Variants in MLH3 observed in about 807,000 individuals in gnomAD.
The protein encoded by MLH3 is mutL homolog 3.
In MLH3, 82 loss-of-function variants were observed where a neutral mutation model predicts 122.2. That is an observed-to-expected ratio of 0.67 (90% CI 0.56 to 0.81). MLH3 has a LOEUF of 0.81. Among genes scored for constraint, MLH3 ranks in the 30% least tolerant of loss-of-function variants. The pLI, the probability that MLH3 is intolerant of heterozygous loss-of-function variation, is 0.00. For missense variants in MLH3, 1,539 were observed against 1,714.5 expected, an observed-to-expected ratio of 0.90 and a Z score of 1.81; for synonymous variants, 524 against 599.5, an observed-to-expected ratio of 0.87 and a Z score of 1.84.
rs1473272434 is a variant in MLH3, at chr14:75,014,108, T to G, written c.*2974A>C. On this transcript the variant is annotated 3_prime_UTR_variant, in exon 13 of 13. Coordinates refer to ENST00000355774, the MANE Select transcript of MLH3 (RefSeq NM_001040108.2). ...CCGAAGCTTCAGCTGAGCTGGCTTG[T>G]CAGGGCTCGCTAGGAACTGCTGAGC... The G allele has an allele frequency of 1.1e-5, 2 of 177,196 alleles. No homozygotes were observed. 11.0% of individuals were successfully genotyped at this position (177,196 alleles called of 1,614,324 possible).
In MLH3 at chr14:75,014,509, G is replaced by C. The variant is rs1323011736; in HGVS notation, c.*2573C>G. On this transcript the variant is annotated 3_prime_UTR_variant, in exon 13 of 13. Coordinates refer to ENST00000355774, the MANE Select transcript of MLH3 (RefSeq NM_001040108.2). The stretch of plus-strand genomic sequence containing the variant: ...TTCTTTCAATAATAAAGGGCTAGCT[G>C]TAACTAGCTGTGACTCTGTGATACC... 1 of 194,500 alleles carries C rather than the reference G, an allele frequency of 5.1e-6. No homozygotes were observed. The highest frequency in any genetic ancestry group is 1.1e-5 in the Non-Finnish European group (1 of 93,312). The allele number at this position is 194,500 out of a possible 1,614,324, so 12.0% of individuals were successfully genotyped here.
chr14:75,014,544 A>G lies in MLH3; in HGVS notation c.*2538T>C, dbSNP rs1276518775. On this transcript the variant is annotated 3_prime_UTR_variant, in exon 13 of 13. Transcript: ENST00000355774. Reference sequence around the variant, plus strand: ...GTGACTCTGTGATACCTAACGCCAGAAGAAGCTACTATATTCTATCATTAG... The same window carrying G: ...GTGACTCTGTGATACCTAACGCCAGGAGAAGCTACTATATTCTATCATTAG... 1 of 200,378 alleles carries G rather than the reference A, an allele frequency of 5.0e-6. No individual in the cohort carries two copies. Among genetic ancestry groups the G allele is most frequent in the Non-Finnish European group, 1.0e-5 (1 of 97,134 alleles). 12.4% of individuals were successfully genotyped at this position (200,378 alleles called of 1,614,324 possible).
intron 11 of MLH3, among the ~76,000 whole-genome samples, chr14:75,021,372 C>G (rs889577734): frequency 1.3e-5 from 2 of 152,200 alleles, no homozygotes; most frequent in Non-Finnish European, 2.9e-5. Flanking sequence ...GGACAACTTA[C>G]AGAATGGGAG....
At position 75,048,999 on chromosome 14, in the gene MLH3, C is replaced by T. The variant is rs747661592; in HGVS notation, c.657G>A (p.Lys219=). The change falls in exon 2 of 13, where the codon AAG becomes AAA. Residue 219 remains lysine, a synonymous_variant. Coordinates refer to ENST00000355774, the MANE Select transcript of MLH3 (RefSeq NM_001040108.2). ...SRFCQIYGLG[K]SQKLREISFK... is the part of the protein sequence containing the mutation. ...AACTTATTTCTCTTAGCTTTTGGGA[C>T]TTTCCCAATCCATAAATTTGACAAA... is the stretch of plus-strand genomic sequence containing the variant. 4 of 1,614,090 alleles carry T rather than the reference C, an allele frequency of 2.5e-6. No homozygotes were observed. Among genetic ancestry groups the T allele is most frequent in the Non-Finnish European group, 3.4e-6 (4 of 1,179,990 alleles).
intron 12 of MLH3, among the ~76,000 whole-genome samples, chr14:75,018,227 A>G (rs1311035077): frequency 6.6e-6 from 1 of 152,136 alleles, no homozygotes; most frequent in Non-Finnish European, 1.5e-5. Context: ...CCTTCACTGA[A>G]GATTATAACA....
chr14:75,048,901 A>C lies in MLH3; in HGVS notation c.755T>G (p.Leu252Trp). 1 of 1,613,746 alleles carries C rather than the reference A, an allele frequency of 6.2e-7. No individual in the cohort carries two copies. Among genetic ancestry groups the C allele is most frequent in the Middle Eastern group, 1.6e-4 (1 of 6,062 alleles). Reference sequence around the variant, plus strand: ...TAAAACTAGTCTTTTGTTCACAAACAAAAACTGCATATTCTTGTTGTAATG... The same window carrying C: ...TAAAACTAGTCTTTTGTTCACAAACCAAAACTGCATATTCTTGTTGTAATG... Reference protein sequence around the residue: ...EAHYNKNMQFLFVNKRLVLRT... With the variant: ...EAHYNKNMQFWFVNKRLVLRT... Residue 252 changes from leucine to tryptophan, a missense_variant, in exon 2 of 13, where the codon TTG (leucine) becomes TGG (tryptophan). By Grantham distance (61) the Leu-to-Trp change is moderately conservative. Coordinates refer to ENST00000355774, the MANE Select transcript of MLH3 (RefSeq NM_001040108.2).
In MLH3 at chr14:75,035,693, T is replaced by C. The variant is rs117388527; in HGVS notation, c.3644-2203A>G. On this transcript the variant is annotated intron_variant, in intron 6 of 12. Transcript: ENST00000355774. ...GGTAAAGGGAATATTTTGAAATACA[T>C]AGAGAATAAATGCTCTAAAACTTTA... Among the ~76,000 whole-genome samples, 509 of 152,296 alleles carry C rather than the reference T, an allele frequency of 3.3e-3. 1 individual carries two copies. Among genetic ancestry groups the C allele is most frequent in the Middle Eastern group, 6.8e-3 (2 of 294 alleles).
intron 8 of MLH3, 140 bp from the exon 9 acceptor site, chr14:75,030,842 G>A (rs1184150896): frequency 1.4e-5 from 10 of 702,250 alleles, no homozygotes; most frequent in South Asian, 5.1e-5. Context: ...TCACACTTAT[G>A]TGTGGGTGTT....
In MLH3 at chr14:75,015,923, T is replaced by G. The variant is rs549461634; in HGVS notation, c.*1159A>C. 8.2e-4 allele frequency: 190 copies of G among 231,442 alleles called. No individual in the cohort carries two copies. The highest frequency in any genetic ancestry group is 1.5e-3 in the Non-Finnish European group (176 of 116,958). The allele number at this position is 231,442 out of a possible 1,614,324, so 14.3% of individuals were successfully genotyped here. On this transcript the variant is annotated 3_prime_UTR_variant, in exon 13 of 13. Transcript: ENST00000355774. Reference sequence around the variant, plus strand: ...ATAAAAGCCACTTTGAGCAGGCTGGTCAGGAAATACAAAAGTAGAAATTCT... The same window carrying G: ...ATAAAAGCCACTTTGAGCAGGCTGGGCAGGAAATACAAAAGTAGAAATTCT...
chr14:75,015,692 A>C lies in MLH3; in HGVS notation c.*1390T>G, dbSNP rs147178170. 1.8e-4 allele frequency: 39 copies of C among 214,836 alleles called. 1 individual carries two copies. Among genetic ancestry groups the C allele is most frequent in the African/African-American group, 8.8e-4 (39 of 44,400 alleles). The allele number at this position is 214,836 out of a possible 1,614,324, so 13.3% of individuals were successfully genotyped here. On this transcript the variant is annotated 3_prime_UTR_variant, in exon 13 of 13. Coordinates refer to ENST00000355774, the MANE Select transcript of MLH3 (RefSeq NM_001040108.2). ...TTTTAGACAGTAGGGCCTGTTCTTC[A>C]GGATTCCAATTACGTAAATCTACAA...
In MLH3 at chr14:75,048,754, T is replaced by A. The variant is rs77687901; in HGVS notation, c.902A>T (p.Glu301Val). 7.1e-5 allele frequency: 114 copies of A among 1,614,148 alleles called. No individual in the cohort carries two copies. The African/African-American group carries it at 1.4e-3, about 20-fold the overall frequency. ...ATTAATTACATATATGCCATAGAGT[T>A]CTGGGGTAGACCGGTGCCGAAGACT... The part of the protein sequence containing the change: ...NSSLRHRSTP[E>V]LYGIYVINVQ... Residue 301 changes from glutamate (E) to valine (V), a missense_variant, in exon 2 of 13, where the codon GAA (glutamate) becomes GTA (valine). Transcript: ENST00000355774.
At chr14:75,040,719 C>A (rs375846757) in intron 4 of MLH3, among the ~76,000 whole-genome samples, 50 of 152,190 alleles carry the variant, frequency 3.3e-4, no homozygotes, top group African/African-American at 1.1e-3. Flanking sequence ...AACATCCATG[C>A]GGGGCCAATG....
chr14:75,047,133 T>C lies in MLH3; in HGVS notation c.2523A>G (p.Gln841=), dbSNP rs1892295538. The change falls in exon 2 of 13, where the codon CAA becomes CAG. Residue 841 remains glutamine, a synonymous_variant. Coordinates refer to ENST00000355774, the MANE Select transcript of MLH3 (RefSeq NM_001040108.2). The part of the protein sequence containing the change: ...PFSKDEDCLE[Q]QMPSLRESPM... ...GACTTTCTCTCAAACTAGGCATCTG[T>C]TGTTCTAAACAATCTTCATCCTTGG... 3.1e-6 allele frequency: 5 copies of C among 1,614,208 alleles called. No individual in the cohort carries two copies. The highest frequency in any genetic ancestry group is 4.2e-6 in the Non-Finnish European group (5 of 1,180,020).
Position 75,048,074 on chromosome 14 carries a change from A to G in MLH3, c.1582T>C (p.Trp528Arg), listed in dbSNP as rs761221683. The G allele has an allele frequency of 9.9e-6, 16 of 1,614,092 alleles. No individual in the cohort carries two copies. In the East Asian group the frequency reaches 3.1e-4, roughly 31 times the overall value. The change falls in exon 2 of 13, where the codon TGG becomes CGG. Residue 528 changes from tryptophan (W) to arginine (R), a missense_variant. Coordinates refer to ENST00000355774, the MANE Select transcript of MLH3 (RefSeq NM_001040108.2). ...FEESGQDLEI[W>R]KESTTVNGMA... ...CCATTAACAGTAGTACTTTCTTTCC[A>G]TATTTCTAGATCCTGCCCACTCTCC...
rs1017664200 is a variant in MLH3, at chr14:75,047,834, A to T, written c.1822T>A (p.Phe608Ile). ...YGRVKLCSTG[F>I]ITHVVQNEKT... Reference sequence around the variant, plus strand: ...TCATTTTGTACTACATGAGTTATAAAGCCAGTGGAACATAATTTAACTCGC... The same window carrying T: ...TCATTTTGTACTACATGAGTTATAATGCCAGTGGAACATAATTTAACTCGC... The change falls in exon 2 of 13, where the codon TTT becomes ATT. Residue 608 changes from phenylalanine to isoleucine, a missense_variant. Physicochemically the swap from Phe to Ile is conservative, Grantham distance 21 (BLOSUM62 0). Coordinates refer to ENST00000355774, the MANE Select transcript of MLH3 (RefSeq NM_001040108.2). The T allele has an allele frequency of 1.2e-5, 20 of 1,613,292 alleles. No homozygotes were observed. The highest frequency in any genetic ancestry group is 1.7e-5 in the Non-Finnish European group (20 of 1,179,818).
At chr14:75,045,770 C>A (rs1892162085) in intron 2 of MLH3, among the ~76,000 whole-genome samples, 1 of 152,076 alleles carries the variant, frequency 6.6e-6, no homozygotes, top group Non-Finnish European at 1.5e-5. Flanking sequence ...ACAGTCTCAC[C>A]CCTTTTGTTG....
In MLH3 at chr14:75,040,023, G is replaced by A. The variant is rs1891727925; in HGVS notation, c.3466-8C>T. ...GCTTACATCAACAGCAACCTAGAAA[G>A]ACTCAGCAAAATATAATTGAAATTT... On this transcript the variant is annotated splice_region_variant and splice_polypyrimidine_tract_variant and intron_variant, in intron 4 of 12. Coordinates refer to ENST00000355774, the MANE Select transcript of MLH3 (RefSeq NM_001040108.2). The A allele has an allele frequency of 2.0e-6, 3 of 1,463,830 alleles. No homozygotes were observed. Among genetic ancestry groups the A allele is most frequent in the Non-Finnish European group, 2.9e-6 (3 of 1,046,566 alleles). The allele number at this position is 1,463,830 out of a possible 1,614,324, so 90.7% of individuals were successfully genotyped here. A position where few individuals can be genotyped will look rare whatever the true frequency, so the allele number is the denominator to read the frequency against.
At chr14:75,019,685 G>A (rs1890147440) in intron 11 of MLH3, among the ~76,000 whole-genome samples, 1 of 152,054 alleles carries the variant, frequency 6.6e-6, no homozygotes, top group African/African-American at 2.4e-5. Context: ...ATCTCTGATT[G>A]TTTCCTTACA....
At chr14:75,024,507 A>G (rs1890499908) in intron 9 of MLH3, among the ~76,000 whole-genome samples, 1 of 148,286 alleles carries the variant, frequency 6.7e-6, no homozygotes, top group Non-Finnish European at 1.5e-5. Flanking sequence ...GGCCGTATTT[A>G]TTTATTATTT....
Sources: allele counts gnomAD v4.1 joint callset (sites outside exome capture counted in the v4.1 genomes callset), GRCh38; gene constraint gnomAD v4.1.1; transcripts MANE v1.5; gene names NCBI Gene and HGNC (gene_info 2026-07-23, HGNC 2026-07-21).